SAMMSON: variants seen among roughly 807,000 people sequenced by gnomAD.
SAMMSON encodes the protein survival associated mitochondrial melanoma specific oncogenic non-coding RNA, also known as long intergenic non-protein coding RNA 1212.
At chr3:70,339,959 G>A (rs1702698121) in intron 7 of SAMMSON, among the ~76,000 whole-genome samples, 1 of 151,286 alleles carries the variant, frequency 6.6e-6, no homozygotes. Flanking sequence ...GCACACACAT[G>A]TTTATTGTGG....
chr3:70,273,681 A>G (rs1701996030), intron 6 of SAMMSON, among the ~76,000 whole-genome samples: 1 of 152,258 alleles, frequency 6.6e-6, no homozygotes, highest in African/African-American at 2.4e-5. Flanking sequence ...ATATGCTGCC[A>G]TTACTCAGGC....
downstream of SAMMSON, among the ~76,000 whole-genome samples, chr3:70,390,763 G>A (rs1002941378): frequency 3.3e-5 from 5 of 151,918 alleles, no homozygotes; most frequent in African/African-American, 1.2e-4. Context: ...TCCAAACTAT[G>A]TCAATAAATA....
At chr3:70,397,806 T>C (rs1701104614) in intron 2 of SAMMSON, among the ~76,000 whole-genome samples, 1 of 152,168 alleles carries the variant, frequency 6.6e-6, no homozygotes, top group Non-Finnish European at 1.5e-5. Context: ...GTCATCTCAG[T>C]ATCCACACTA....
chr3:70,153,339 T>C (rs565800755), intron 4 of SAMMSON, among the ~76,000 whole-genome samples: 10 of 152,094 alleles, frequency 6.6e-5, no homozygotes, highest in Admixed American at 1.3e-4. Context: ...AACTTTACAA[T>C]GTCAGTGAAA....
chr3:70,166,180 G>C (rs755353665), intron 4 of SAMMSON, among the ~76,000 whole-genome samples: 6 of 151,924 alleles, frequency 3.9e-5, no homozygotes, highest in Admixed American at 3.3e-4. Flanking sequence ...TTGAATTCCA[G>C]CTCTGCAGTA....
At chr3:70,414,712 A>T (rs1336891097) in intron 2 of SAMMSON, among the ~76,000 whole-genome samples, 1 of 152,174 alleles carries the variant, frequency 6.6e-6, no homozygotes, top group Non-Finnish European at 1.5e-5. Context: ...CTGTTTTCTC[A>T]TTTGTAAAAT....
chr3:70,291,621 C>A lies in SAMMSON; in HGVS notation n.739+378C>A, dbSNP rs57065481. Among the ~76,000 whole-genome samples, 348 of 152,238 alleles carry A rather than the reference C, an allele frequency of 2.3e-3. 2 individuals are homozygous for A. The highest frequency in any genetic ancestry group is 7.9e-3 in the African/African-American group (328 of 41,530). ...GAACATCGGATCCACAAATGACAAA[C>A]CCCTGGCTGTCACTTTCCCCTGTGG... On this transcript the variant is annotated intron_variant and non_coding_transcript_variant, in intron 7 of 9. Transcript: ENST00000642114.
At chr3:70,060,965 A>G (rs2067185285) in intron 3 of SAMMSON, among the ~76,000 whole-genome samples, 1 of 152,042 alleles carries the variant, frequency 6.6e-6, no homozygotes, top group African/African-American at 2.4e-5. Flanking sequence ...GGAGTGGAAA[A>G]TTATCTGGAT....
At chr3:70,273,513 A>G (rs1301778164) in intron 6 of SAMMSON, among the ~76,000 whole-genome samples, 1 of 152,156 alleles carries the variant, frequency 6.6e-6, no homozygotes, top group East Asian at 1.9e-4. Context: ...TCCAGATAAT[A>G]CAGTTATATC....
chr3:70,127,769 G>A (rs1447448336), intron 4 of SAMMSON: 1 of 152,190 alleles, frequency 6.6e-6, no homozygotes, highest in African/African-American at 2.4e-5. Context: ...AGCCTCTCAA[G>A]TAGCTGGGAC....
intron 3 of SAMMSON, among the ~76,000 whole-genome samples, chr3:70,017,322 C>G (rs1223841179): frequency 6.6e-6 from 1 of 151,952 alleles, no homozygotes; most frequent in East Asian, 1.9e-4. Context: ...AAGTTGGATT[C>G]CTAGGTATTT....
At chr3:70,247,040 G>T (rs1032880818) in intron 4 of SAMMSON, among the ~76,000 whole-genome samples, 2 of 151,892 alleles carry the variant, frequency 1.3e-5, no homozygotes, top group African/African-American at 4.8e-5. Context: ...TACCACGAAG[G>T]ATAGTTATTT....
chr3:70,056,609 C>T (rs73836032), intron 3 of SAMMSON, among the ~76,000 whole-genome samples: 2,805 of 151,764 alleles, frequency 0.018, 90 homozygotes, highest in African/African-American at 0.063. Context: ...AATACACTAT[C>T]GAGGTGGAAA....
intron 6 of SAMMSON, among the ~76,000 whole-genome samples, chr3:70,267,466 G>A (rs1304435304): frequency 1.6e-5 from 2 of 127,482 alleles, no homozygotes; most frequent in African/African-American, 6.1e-5. Flanking sequence ...GCAGTGGCGC[G>A]ATCTCCGCTC....
At chr3:70,351,568 C>A (rs992420805) in intron 7 of SAMMSON, among the ~76,000 whole-genome samples, 5 of 151,938 alleles carry the variant, frequency 3.3e-5, no homozygotes, top group African/African-American at 1.2e-4. Flanking sequence ...GACAGACAGG[C>A]TAGAAATTAT....
intron 4 of SAMMSON, among the ~76,000 whole-genome samples, chr3:70,143,712 C>T (rs778272034): frequency 6.6e-6 from 1 of 152,078 alleles, no homozygotes; most frequent in African/African-American, 2.4e-5. Flanking sequence ...TCCTTGTAGT[C>T]CTTCAAGTCA....
At chr3:70,264,220 T>C (rs1701893796) in intron 6 of SAMMSON, among the ~76,000 whole-genome samples, 1 of 152,234 alleles carries the variant, frequency 6.6e-6, no homozygotes, top group Non-Finnish European at 1.5e-5. Flanking sequence ...GGCAATGACT[T>C]GAACATCTCT....
intron 4 of SAMMSON, among the ~76,000 whole-genome samples, chr3:70,217,736 G>C (rs1264607061): frequency 6.6e-6 from 1 of 152,090 alleles, no homozygotes; most frequent in East Asian, 1.9e-4. Flanking sequence ...CATCCATTCT[G>C]TATTTATAAA....
intron 4 of SAMMSON, among the ~76,000 whole-genome samples, chr3:70,210,784 G>GA (rs34863340): frequency 0.78 from 118,999 of 151,862 alleles, 49,103 homozygotes; most frequent in Non-Finnish European, 0.92. Context: ...ATATTTCTTG[G>GA]AAAAAAATTA....
Sources: allele counts gnomAD v4.1 joint callset (sites outside exome capture counted in the v4.1 genomes callset), GRCh38; gene constraint gnomAD v4.1.1; transcripts MANE v1.5; gene names NCBI Gene and HGNC (gene_info 2026-07-23, HGNC 2026-07-21).